Variants in ANKS1B observed in about 807,000 individuals in gnomAD.
ANKS1B encodes the protein ankyrin repeat and sterile alpha motif domain-containing protein 1B.
A neutral mutation model predicts 148.3 loss-of-function variants in ANKS1B; 36 were observed. The ratio of observed to expected loss-of-function variants is 0.24; its 90% CI spans 0.19 to 0.32. The LOEUF is 0.32. Ranked by LOEUF, ANKS1B falls within the 10% of genes least tolerant of loss-of-function variation. The probability of loss-of-function intolerance (pLI) is 1.00; values close to 1 mark genes in which losing one functional copy is unlikely to be tolerated. For synonymous variants in ANKS1B, 542 were observed against 560.8 expected, an observed-to-expected ratio of 0.97 and a Z score of 0.47; for missense variants, 1,157 against 1,542.6, an observed-to-expected ratio of 0.75 and a Z score of 4.19.
At chr12:98,823,737 C>T (rs1435466613) in intron 19 of ANKS1B, among the ~76,000 whole-genome samples, 2 of 152,262 alleles carry the variant, frequency 1.3e-5, no homozygotes, top group Admixed American at 1.3e-4. Flanking sequence ...AGTGCTCCGC[C>T]CGCTTTGGCC....
chr12:99,495,804 G>C (rs2096598768), intron 10 of ANKS1B, among the ~76,000 whole-genome samples: 1 of 152,174 alleles, frequency 6.6e-6, no homozygotes, highest in African/African-American at 2.4e-5. Context: ...TTCTAGTCCA[G>C]TCTGAATTCA....
intron 8 of ANKS1B, among the ~76,000 whole-genome samples, chr12:99,699,229 T>C (rs2054420761): frequency 6.6e-6 from 1 of 152,204 alleles, no homozygotes; most frequent in South Asian, 2.1e-4. Context: ...GCTGAAATTC[T>C]ACTTCTGTAA....
At chr12:99,693,428 G>T (rs1001589425) in intron 8 of ANKS1B, among the ~76,000 whole-genome samples, 4 of 152,152 alleles carry the variant, frequency 2.6e-5, no homozygotes, top group African/African-American at 7.2e-5. Context: ...CACTGTGAAA[G>T]GGTTCAGAGA....
At chr12:99,688,880 TA>T (rs36016130) in intron 8 of ANKS1B, among the ~76,000 whole-genome samples, 19,408 of 142,834 alleles carry the variant, frequency 0.14, 1,973 homozygotes, top group East Asian at 0.53. Flanking sequence ...GTGCTAAATT[TA>T]AAAAAAAAAA....
intron 11 of ANKS1B, among the ~76,000 whole-genome samples, chr12:99,424,840 A>T (rs546910080): frequency 6.6e-6 from 1 of 152,102 alleles, no homozygotes; most frequent in East Asian, 1.9e-4. Context: ...AACCTAACTT[A>T]GGAGTATGTG....
chr12:98,854,749 C>T (rs959977577), intron 17 of ANKS1B, among the ~76,000 whole-genome samples: 5 of 152,212 alleles, frequency 3.3e-5, no homozygotes, highest in African/African-American at 1.2e-4. Flanking sequence ...GTGTATTTTC[C>T]ATTGAGAAGC....
At chr12:99,216,254 A>G (rs1272740378) in intron 14 of ANKS1B, among the ~76,000 whole-genome samples, 1 of 152,226 alleles carries the variant, frequency 6.6e-6, no homozygotes, top group Non-Finnish European at 1.5e-5. Context: ...AATTACCCAC[A>G]TAATTCTTCA....
At chr12:99,910,462 C>G (rs752165760) in intron 1 of ANKS1B, among the ~76,000 whole-genome samples, 10 of 151,388 alleles carry the variant, frequency 6.6e-5, no homozygotes, top group Non-Finnish European at 1.3e-4. Context: ...ATAGGCCACA[C>G]ATTGTATGAT....
At chr12:99,224,501 C>A (rs1335404096) in intron 14 of ANKS1B, among the ~76,000 whole-genome samples, 1 of 152,076 alleles carries the variant, frequency 6.6e-6, no homozygotes. Flanking sequence ...TGCAGCACCT[C>A]CCCCTTCTCT....
intron 9 of ANKS1B, among the ~76,000 whole-genome samples, chr12:99,554,507 T>C (rs954832611): frequency 1.3e-5 from 2 of 152,106 alleles, no homozygotes; most frequent in African/African-American, 4.8e-5. Context: ...GAAGATAATA[T>C]ACAAAATCTC....
At chr12:99,258,667 A>AT (rs1280889216) in intron 12 of ANKS1B, among the ~76,000 whole-genome samples, 1 of 132,960 alleles carries the variant, frequency 7.5e-6, no homozygotes, top group East Asian at 2.2e-4. Flanking sequence ...TAGTACATTC[A>AT]TTTTTTTCCA....
At chr12:99,254,329 A>G (rs2075003543) in intron 12 of ANKS1B, among the ~76,000 whole-genome samples, 1 of 152,230 alleles carries the variant, frequency 6.6e-6, no homozygotes. Flanking sequence ...AGTTTCATGA[A>G]GTCAAAACAA....
intron 15 of ANKS1B, among the ~76,000 whole-genome samples, chr12:99,119,286 G>A (rs562805687): frequency 1.1e-4 from 16 of 152,114 alleles, no homozygotes; most frequent in Non-Finnish European, 2.2e-4. Flanking sequence ...GCTGACAGCC[G>A]CCAGATGCTA....
intron 1 of ANKS1B, among the ~76,000 whole-genome samples, chr12:99,900,695 T>C (rs950455151): frequency 1.3e-5 from 2 of 152,110 alleles, no homozygotes; most frequent in African/African-American, 2.4e-5. Flanking sequence ...TGATTCATAA[T>C]GGATACTTGT....
chr12:98,943,638 T>C (rs1165062580), intron 17 of ANKS1B, among the ~76,000 whole-genome samples: 1 of 152,170 alleles, frequency 6.6e-6, no homozygotes, highest in Non-Finnish European at 1.5e-5. Context: ...CCTCTTTTCA[T>C]TCCCCCTTCC....
At chr12:99,942,702 A>G (rs1414974704) in intron 1 of ANKS1B, among the ~76,000 whole-genome samples, 1 of 152,116 alleles carries the variant, frequency 6.6e-6, no homozygotes, top group Non-Finnish European at 1.5e-5. Context: ...TATTTATTGA[A>G]TGCCCACCAT....
At chr12:99,015,219 T>A (rs2099941717) in intron 17 of ANKS1B, among the ~76,000 whole-genome samples, 1 of 152,156 alleles carries the variant, frequency 6.6e-6, no homozygotes, top group Non-Finnish European at 1.5e-5. Flanking sequence ...ATCATGTCCT[T>A]TGCAGGGACA....
chr12:99,580,182 T>C (rs113427925), intron 9 of ANKS1B, among the ~76,000 whole-genome samples: 1,808 of 152,018 alleles, frequency 0.012, 45 homozygotes, highest in African/African-American at 0.041. Flanking sequence ...GAACAAACAC[T>C]GGGGCCTACT....
chr12:99,866,052 C>T (rs1159998515), intron 1 of ANKS1B, among the ~76,000 whole-genome samples: 5 of 152,064 alleles, frequency 3.3e-5, no homozygotes, highest in Non-Finnish European at 4.4e-5. Flanking sequence ...CCAGAAATAG[C>T]GCTCCAACAA....
Sources: gnomAD v4.1 joint callset for allele counts (sites outside exome capture counted in the v4.1 genomes callset) on GRCh38, gnomAD v4.1.1 for gene constraint, MANE v1.5 for transcripts, NCBI Gene and HGNC (gene_info 2026-07-23, HGNC 2026-07-21) for gene names.